The following ASIC2 variants were observed in gnomAD, a reference collection of about 807,000 sequenced individuals.
ASIC2 encodes the protein acid-sensing ion channel 2.
In ASIC2, 25 loss-of-function variants were observed where a neutral mutation model predicts 57.3. That is an observed-to-expected ratio of 0.44 (90% CI 0.32 to 0.61). The LOEUF is 0.61. Among genes scored for constraint, ASIC2 ranks in the 20% least tolerant of loss-of-function variants. ASIC2 has a pLI of 0.06. For synonymous variants in ASIC2, 319 were observed against 307.5 expected (o/e 1.04, Z -0.39); for missense variants, 641 against 738.1 (o/e 0.87, Z 1.52).
chr17:33,243,893 G>A (rs1908600535), intron 1 of ASIC2, among the ~76,000 whole-genome samples: 1 of 152,180 alleles, frequency 6.6e-6, no homozygotes. Flanking sequence ...GGAAAAGCAA[G>A]TGCTAGTTTG....
At chr17:33,810,391 C>T in intron 1 of ASIC2, among the ~76,000 whole-genome samples, 1 of 152,178 alleles carries the variant, frequency 6.6e-6, no homozygotes, top group East Asian at 1.9e-4. Flanking sequence ...ATACCCAACA[C>T]TAATTATGTC....
chr17:33,528,988 C>T (rs2141959587), intron 1 of ASIC2, among the ~76,000 whole-genome samples: 2 of 152,206 alleles, frequency 1.3e-5, no homozygotes, highest in Middle Eastern at 6.8e-3. Context: ...AATGGGATTA[C>T]AATATTGGAG....
intron 2 of ASIC2, among the ~76,000 whole-genome samples, chr17:33,108,764 G>A (rs148745012): frequency 2.0e-4 from 31 of 152,306 alleles, no homozygotes; most frequent in African/African-American, 6.7e-4. Context: ...TGGCTGAGGG[G>A]TCTGGGGGAA....
At chr17:33,017,060 C>T (rs1298851625) in intron 8 of ASIC2, among the ~76,000 whole-genome samples, 2 of 152,236 alleles carry the variant, frequency 1.3e-5, no homozygotes, top group Non-Finnish European at 2.9e-5. Flanking sequence ...TTTCCCCAGA[C>T]TGTCAGCAGC....
At chr17:33,064,718 G>C (rs1198427830) in intron 3 of ASIC2, among the ~76,000 whole-genome samples, 1 of 152,196 alleles carries the variant, frequency 6.6e-6, no homozygotes, top group Non-Finnish European at 1.5e-5. Context: ...TCTCTTCAAA[G>C]CTCAGTTGGA....
intron 1 of ASIC2, among the ~76,000 whole-genome samples, chr17:33,665,963 A>G (rs542108375): frequency 6.6e-6 from 1 of 152,234 alleles, no homozygotes; most frequent in East Asian, 1.9e-4. Flanking sequence ...ATTTCTTGGG[A>G]AATACATAGG....
At chr17:33,200,291 GT>G (rs1906807849) in intron 1 of ASIC2, among the ~76,000 whole-genome samples, 1 of 152,168 alleles carries the variant, frequency 6.6e-6, no homozygotes. Context: ...TTATGAGTTT[GT>G]TGACTCAGCT....
At chr17:33,161,337 C>G (rs1905154299) in intron 1 of ASIC2, among the ~76,000 whole-genome samples, 1 of 152,188 alleles carries the variant, frequency 6.6e-6, no homozygotes, top group South Asian at 2.1e-4. Context: ...CTAATTTGTT[C>G]CCACTACAGA....
chr17:33,695,793 C>G (rs1271794206), intron 1 of ASIC2, among the ~76,000 whole-genome samples: 1 of 152,202 alleles, frequency 6.6e-6, no homozygotes, highest in African/African-American at 2.4e-5. Context: ...AATTTAATGT[C>G]ATTCTTCCTA....
intron 1 of ASIC2, among the ~76,000 whole-genome samples, chr17:33,757,879 C>T (rs756604612): frequency 6.6e-6 from 1 of 152,198 alleles, no homozygotes; most frequent in East Asian, 1.9e-4. Context: ...TGCTGAGAGG[C>T]TGCAACCTCA....
At chr17:33,252,425 A>G (rs1022469390) in intron 1 of ASIC2, among the ~76,000 whole-genome samples, 5 of 152,188 alleles carry the variant, frequency 3.3e-5, no homozygotes, top group African/African-American at 9.7e-5. Flanking sequence ...CAAGGACCCG[A>G]TACACCTCTC....
chr17:33,886,568 G>C (rs976071878), intron 1 of ASIC2, among the ~76,000 whole-genome samples: 1 of 152,042 alleles, frequency 6.6e-6, no homozygotes, highest in Non-Finnish European at 1.5e-5. Context: ...AGTTGTACAG[G>C]CAAAGAAGCA....
intron 1 of ASIC2, among the ~76,000 whole-genome samples, chr17:33,423,711 G>A (rs1274273364): frequency 6.6e-6 from 1 of 152,118 alleles, no homozygotes; most frequent in African/African-American, 2.4e-5. Flanking sequence ...CTCTCTTGGG[G>A]TTGACCAGAT....
chr17:33,951,504 G>A (rs1444614388), intron 1 of ASIC2, among the ~76,000 whole-genome samples: 1 of 152,184 alleles, frequency 6.6e-6, no homozygotes, highest in Non-Finnish European at 1.5e-5. Flanking sequence ...CAGGGCCACT[G>A]AGATGATGGA....
chr17:34,073,661 T>C (rs1311380018), intron 1 of ASIC2, among the ~76,000 whole-genome samples: 1 of 152,232 alleles, frequency 6.6e-6, no homozygotes, highest in African/African-American at 2.4e-5. Flanking sequence ...CCTAGAAACC[T>C]AGAAAGACTG....
rs989533289 is a variant in ASIC2, at chr17:34,033,043, C to A, written c.555+122935G>T. On this transcript the variant is annotated intron_variant, in intron 1 of 9. Coordinates refer to the ASIC2 transcript ENST00000359872. ...TAGACATCTACAGAACTCTCCACCC[C>A]AAATCAACAGAATATACATTCTTTT... Among the ~76,000 whole-genome samples the A allele has an allele frequency of 2.0e-5, 3 of 152,182 alleles. No homozygotes were observed. In the South Asian group the frequency reaches 6.2e-4, roughly 32 times the overall value.
intron 1 of ASIC2, among the ~76,000 whole-genome samples, chr17:33,942,224 T>C (rs1916207947): frequency 6.6e-6 from 1 of 152,120 alleles, no homozygotes; most frequent in Non-Finnish European, 1.5e-5. Context: ...GGAATCCAAG[T>C]GTCACAGTCA....
At chr17:33,817,574 T>C (rs1597888326) in intron 1 of ASIC2, among the ~76,000 whole-genome samples, 1 of 152,160 alleles carries the variant, frequency 6.6e-6, no homozygotes, top group South Asian at 2.1e-4. Flanking sequence ...TTGGTGCAAA[T>C]TCTAGCCTGG....
At position 33,772,190 on chromosome 17, in the gene ASIC2, C is replaced by A. The variant is rs186296959; in HGVS notation, c.555+383788G>T. Among the ~76,000 whole-genome samples, 24 of 152,278 alleles carry A rather than the reference C, an allele frequency of 1.6e-4. No individual in the cohort carries two copies. The East Asian group carries it at 4.6e-3, about 29-fold the overall frequency. Reference sequence around the variant, plus strand: ...AGACCATAAATAAATGATCTAACTGCCTTGTTTGACTATGGGTCATAAGAC... The same window carrying A: ...AGACCATAAATAAATGATCTAACTGACTTGTTTGACTATGGGTCATAAGAC... On this transcript the variant is annotated intron_variant, in intron 1 of 9. Coordinates refer to the ASIC2 transcript ENST00000359872.
Sources: gnomAD v4.1 joint callset for allele counts (sites outside exome capture counted in the v4.1 genomes callset) on GRCh38, gnomAD v4.1.1 for gene constraint, MANE v1.5 for transcripts, NCBI Gene and HGNC (gene_info 2026-07-23, HGNC 2026-07-21) for gene names.